The following USP38 variants were observed in gnomAD, a reference collection of about 807,000 sequenced individuals.
USP38 encodes the protein ubiquitin specific peptidase 38, also known as ubiquitin carboxyl-terminal hydrolase 38.
In USP38, 49 loss-of-function variants were observed where a neutral mutation model predicts 94.3. That is an observed-to-expected ratio of 0.52 (90% CI 0.41 to 0.66). The LOEUF (loss-of-function observed/expected upper bound fraction) is 0.66. USP38 is among the 30% of genes least tolerant of loss of function. USP38 has a pLI of 0.00. For missense variants in USP38, 1,128 were observed against 1,229.4 expected (o/e 0.92, Z 1.23); for synonymous variants, 468 against 463.6 (o/e 1.01, Z -0.12).
At chr4:143,208,901 C>A (rs562419583) in intron 6 of USP38, among the ~76,000 whole-genome samples, 78 of 149,976 alleles carry the variant, frequency 5.2e-4, no homozygotes, top group Middle Eastern at 7.0e-3. Flanking sequence ...GCTCATTAGT[C>A]CTGTGGTATC....
In USP38 at chr4:143,185,336, G is replaced by A; in HGVS notation, c.-115G>A. 1 of 1,200,696 alleles carries A rather than the reference G, an allele frequency of 8.3e-7. No homozygotes were observed. The highest frequency in any genetic ancestry group is 1.1e-6 in the Non-Finnish European group (1 of 882,064). 74.4% of individuals were successfully genotyped at this position (1,200,696 alleles called of 1,614,324 possible). On this transcript the variant is annotated 5_prime_UTR_variant, in exon 1 of 10. Coordinates refer to ENST00000307017, the MANE Select transcript of USP38 (RefSeq NM_032557.6). ...GAGGCGGCGGTGGCCGTGGCCCGTC[G>A]CGCTGCTGCTGCGGCGCTCCAAGTT... is the stretch of plus-strand genomic sequence containing the variant.
Position 143,214,898 on chromosome 4 carries a change from A to G in USP38, c.2922A>G (p.Lys974=). The change falls in exon 9 of 10, where the codon AAA becomes AAG. Residue 974 remains lysine, a synonymous_variant. Transcript: ENST00000307017. ...LWINGDPPLQ[K]ELMDAITKDN... ...TAAATGGAGACCCACCTCTACAGAA[A>G]GAACTTATGGATGCTATAACAAAAG... The G allele has an allele frequency of 6.2e-7, 1 of 1,613,444 alleles. No homozygotes were observed. Among genetic ancestry groups the G allele is most frequent in the Non-Finnish European group, 8.5e-7 (1 of 1,179,624 alleles).
intron 5 of USP38, among the ~76,000 whole-genome samples, chr4:143,204,085 G>T (rs1201935412): frequency 6.6e-6 from 1 of 151,590 alleles, no homozygotes; most frequent in African/African-American, 2.4e-5. Flanking sequence ...GGATTCAAGC[G>T]ATTCTTCCGC....
At chr4:143,209,501 A>AG in intron 6 of USP38, 63 bp from the exon 7 acceptor site, 1 of 1,040,780 alleles carries the variant, frequency 9.6e-7, no homozygotes, top group Non-Finnish European at 1.4e-6. Flanking sequence ...AAAAAAAAAA[A>AG]AGCTTTTAAT....
chr4:143,190,357 G>A (rs1439484705), intron 2 of USP38, among the ~76,000 whole-genome samples: 1 of 152,024 alleles, frequency 6.6e-6, no homozygotes, highest in Non-Finnish European at 1.5e-5. Flanking sequence ...CATAGTTGAG[G>A]AAACTGAGAG....
chr4:143,192,834 AG>A (rs1731437582), intron 2 of USP38, among the ~76,000 whole-genome samples: 1 of 152,190 alleles, frequency 6.6e-6, no homozygotes, highest in African/African-American at 2.4e-5. Flanking sequence ...GTTTATTTAT[AG>A]GTGGTCAGGA....
chr4:143,213,378 G>A (rs1026855906), intron 8 of USP38, among the ~76,000 whole-genome samples: 11 of 152,130 alleles, frequency 7.2e-5, no homozygotes, highest in Admixed American at 5.9e-4. Flanking sequence ...AAAGTGTAAT[G>A]AGAATATAGA....
chr4:143,220,539 C>G lies in USP38; in HGVS notation c.*83C>G. On this transcript the variant is annotated 3_prime_UTR_variant, in exon 10 of 10. Coordinates refer to ENST00000307017, the MANE Select transcript of USP38 (RefSeq NM_032557.6). ...ATGTCAGACTATAACAAATATCTATCTTTTATTTTTCATTAGACCCTTATA... is the reference window on the plus strand; with the variant it reads ...ATGTCAGACTATAACAAATATCTATGTTTTATTTTTCATTAGACCCTTATA... 1 of 1,333,016 alleles carries G rather than the reference C, an allele frequency of 7.5e-7. No individual in the cohort carries two copies. The highest frequency in any genetic ancestry group is 9.8e-7 in the Non-Finnish European group (1 of 1,017,336). 82.6% of individuals were successfully genotyped at this position (1,333,016 alleles called of 1,614,324 possible).
rs1463761151 is a variant in USP38 at position 143,222,493 on chromosome 4, T to C, written c.*2037T>C. 6.6e-6 allele frequency: 1 copy of C among 152,044 alleles called. No homozygotes were observed. The highest frequency in any genetic ancestry group is 2.4e-5 in the African/African-American group (1 of 41,428). 9.4% of individuals were successfully genotyped at this position (152,044 alleles called of 1,614,324 possible). On this transcript the variant is annotated 3_prime_UTR_variant, in exon 10 of 10. Transcript: ENST00000307017. ...TTGTGCTATGTAGTTGTTATATTGT[T>C]TTTTCATTTGTACTATTTTTTATGA...
Position 143,221,986 on chromosome 4 carries a change from T to C in USP38, c.*1530T>C, listed in dbSNP as rs565621788. On this transcript the variant is annotated 3_prime_UTR_variant, in exon 10 of 10. Transcript: ENST00000307017. ...TCCTCCTTATAAATGAATGAACCAG[T>C]TATCATGCTTTTCTGTGGTTTTCCT... The C allele has an allele frequency of 6.6e-6, 1 of 152,186 alleles. No homozygotes were observed. The highest frequency in any genetic ancestry group is 2.1e-4 in the South Asian group (1 of 4,830). 9.4% of individuals were successfully genotyped at this position (152,186 alleles called of 1,614,324 possible).
chr4:143,198,054 G>T lies in USP38; in HGVS notation c.1050+130G>T, dbSNP rs1731605893. Reference sequence around the variant, plus strand: ...CAAATCTGTTTTCATATAGCTTTATGATTTCCTAGAAAATTGAGATTGTGA... The same window carrying T: ...CAAATCTGTTTTCATATAGCTTTATTATTTCCTAGAAAATTGAGATTGTGA... On this transcript the variant is annotated intron_variant, in intron 4 of 9. Coordinates refer to ENST00000307017, the MANE Select transcript of USP38 (RefSeq NM_032557.6). The T allele has an allele frequency of 4.3e-5, 24 of 560,254 alleles. 1 individual carries two copies. In the South Asian group the frequency reaches 7.0e-4, roughly 16 times the overall value. 34.7% of individuals were successfully genotyped at this position (560,254 alleles called of 1,614,324 possible).
chr4:143,223,827 T>G lies in USP38; in HGVS notation c.*3371T>G, dbSNP rs1732381627. 2 of 152,128 alleles carry G rather than the reference T, an allele frequency of 1.3e-5. No individual in the cohort carries two copies. The highest frequency in any genetic ancestry group is 4.1e-4 in the South Asian group (2 of 4,830). 9.4% of individuals were successfully genotyped at this position (152,128 alleles called of 1,614,324 possible). A position where few individuals can be genotyped will look rare whatever the true frequency, so the allele number is the denominator to read the frequency against. On this transcript the variant is annotated 3_prime_UTR_variant, in exon 10 of 10. Coordinates refer to ENST00000307017, the MANE Select transcript of USP38 (RefSeq NM_032557.6). ...TTTTTCTCATAAAAATGTGATAGTT[T>G]ATATATCCTTTCATCATACGTTTTT...
At chr4:143,186,177 A>G (rs756633693) in intron 1 of USP38, 45 bp downstream of exon 1, 21 of 1,567,918 alleles carry the variant, frequency 1.3e-5, no homozygotes, top group African/African-American at 2.7e-5. Context: ...AAATCAGTAT[A>G]TGTCTCTCTT....
intron 9 of USP38, among the ~76,000 whole-genome samples, chr4:143,216,347 GTTGT>G (rs1043818444): frequency 6.6e-6 from 1 of 152,056 alleles, no homozygotes. Context: ...ATATTGACAA[GTTGT>G]TTGATGCAAG....
chr4:143,196,454 C>G (rs1731551850), intron 3 of USP38, among the ~76,000 whole-genome samples: 2 of 152,316 alleles, frequency 1.3e-5, no homozygotes, highest in South Asian at 4.1e-4. Context: ...TGTTGCTAAA[C>G]TCAAGAGTCA....
At position 143,187,811 on chromosome 4, in the gene USP38, T is replaced by C; in HGVS notation, c.683-15T>C. 1 of 1,599,534 alleles carries C rather than the reference T, an allele frequency of 6.3e-7. No individual in the cohort carries two copies. The highest frequency in any genetic ancestry group is 1.7e-4 in the Middle Eastern group (1 of 5,970). On this transcript the variant is annotated splice_polypyrimidine_tract_variant and intron_variant, in intron 1 of 9. Transcript: ENST00000307017. ...TACTTGCCATGTTCCCTTTTCTTTT[T>C]AATTGAAAAAACAGATGCATCATTT...
chr4:143,206,277 C>A, intron 6 of USP38, 51 bp downstream of exon 6: 2 of 1,387,972 alleles, frequency 1.4e-6, no homozygotes, highest in South Asian at 3.0e-5. Context: ...TTGATGCATG[C>A]TGATGAAATA....
At chr4:143,212,268 T>G (rs769106228) in intron 7 of USP38, 50 bp from the exon 8 acceptor site, 31 of 1,430,348 alleles carry the variant, frequency 2.2e-5, no homozygotes, top group Non-Finnish European at 3.0e-5. Context: ...AGTTACTTGG[T>G]TCATGCTATA....
chr4:143,187,730 T>G, intron 1 of USP38, 96 bp from the exon 2 acceptor site: 2 of 1,349,770 alleles, frequency 1.5e-6, no homozygotes, highest in Non-Finnish European at 2.0e-6. Flanking sequence ...GTTAACACCT[T>G]TGCTGCAATG....
Sources: allele counts gnomAD v4.1 joint callset (sites outside exome capture counted in the v4.1 genomes callset), GRCh38; gene constraint gnomAD v4.1.1; transcripts MANE v1.5; gene names NCBI Gene and HGNC (gene_info 2026-07-23, HGNC 2026-07-21).